The following KHDC1 variants were observed in gnomAD, a reference collection of about 807,000 sequenced individuals.
KHDC1 encodes the protein KH homology domain-containing protein 1.
A neutral mutation model predicts 24.7 loss-of-function variants in KHDC1; 21 were observed. The ratio of observed to expected loss-of-function variants is 0.85; its 90% CI spans 0.60 to 1.23. The LOEUF (loss-of-function observed/expected upper bound fraction) is 1.23. KHDC1 is among the 50% of genes most tolerant of loss of function. The probability of loss-of-function intolerance (pLI) is 0.00; values close to 1 mark genes in which losing one functional copy is unlikely to be tolerated. For missense variants in KHDC1, 274 were observed against 298.5 expected (o/e 0.92, Z 0.61); for synonymous variants, 98 against 111.7 (o/e 0.88, Z 0.77).
intron 2 of KHDC1, chr6:73,263,114 C>T: frequency 3.0e-6 from 3 of 1,006,880 alleles, no homozygotes; most frequent in Non-Finnish European, 3.5e-6. Flanking sequence ...GAGGAGACAG[C>T]GGTACCTCCT....
chr6:73,247,224 AC>A (rs1766684388), intron 2 of KHDC1, among the ~76,000 whole-genome samples: 1 of 151,824 alleles, frequency 6.6e-6, no homozygotes, highest in African/African-American at 2.4e-5. Context: ...GTGATCACCC[AC>A]CTCAGCCTCC....
chr6:73,263,141 C>A lies in KHDC1; in HGVS notation c.207-20611G>T, dbSNP rs946156478. On this transcript the variant is annotated intron_variant, in intron 2 of 4. Coordinates refer to ENST00000370384, the Ensembl canonical transcript of KHDC1. ...GTACCTCCTGGGCCGCGCACCCGAC[C>A]CTTCCAGGGGTCCCGGCTCGCGCCG... is the stretch of plus-strand genomic sequence containing the variant. 8 of 991,118 alleles carry A rather than the reference C, an allele frequency of 8.1e-6. No homozygotes were observed. The East Asian group carries it at 6.6e-4, about 82-fold the overall frequency. The allele number at this position is 991,118 out of a possible 1,614,324, so 61.4% of individuals were successfully genotyped here.
intron 2 of KHDC1, among the ~76,000 whole-genome samples, chr6:73,281,617 CAAAAAA>C (rs58163019): frequency 2.1e-4 from 20 of 93,780 alleles, no homozygotes; most frequent in African/African-American, 2.8e-4. Flanking sequence ...AACTTCGTCT[CAAAAAA>C]AAAAAAAAAA....
intron 2 of KHDC1, among the ~76,000 whole-genome samples, chr6:73,252,941 T>A (rs1437137634): frequency 6.6e-6 from 1 of 152,244 alleles, no homozygotes; most frequent in African/African-American, 2.4e-5. Flanking sequence ...GAATTTTATA[T>A]AATTTTATGT....
exon 5 of KHDC1, chr6:73,241,648 T>C (rs780425911): frequency 2.5e-6 from 4 of 1,614,008 alleles, no homozygotes; most frequent in South Asian, 1.1e-5. Flanking sequence ...AGGTCTCCAG[T>C]GTATGGTGGC....
At chr6:73,256,472 A>C (rs1039477168) in intron 2 of KHDC1, among the ~76,000 whole-genome samples, 1 of 152,216 alleles carries the variant, frequency 6.6e-6, no homozygotes, top group Non-Finnish European at 1.5e-5. Flanking sequence ...TTTAGACATA[A>C]GCCAGTCAGG....
At chr6:73,267,983 C>G (rs1767104314) in intron 2 of KHDC1, 1 of 152,594 alleles carries the variant, frequency 6.6e-6, no homozygotes, top group Non-Finnish European at 1.5e-5. Flanking sequence ...ATTACAGGCA[C>G]ACGCCACCAT....
At chr6:73,256,539 T>C (rs1428570190) in intron 2 of KHDC1, among the ~76,000 whole-genome samples, 1 of 152,218 alleles carries the variant, frequency 6.6e-6, no homozygotes, top group African/African-American at 2.4e-5. Context: ...TAGAAACTTC[T>C]AACAACTATT....
chr6:73,258,863 AC>A (rs1344621257), intron 2 of KHDC1, among the ~76,000 whole-genome samples: 1 of 152,192 alleles, frequency 6.6e-6, no homozygotes, highest in Non-Finnish European at 1.5e-5. Flanking sequence ...TCCCTAAGAC[AC>A]AGGTGAGCTG....
At chr6:73,264,068 G>A (rs1350306351) in intron 2 of KHDC1, among the ~76,000 whole-genome samples, 1 of 152,132 alleles carries the variant, frequency 6.6e-6, no homozygotes, top group Non-Finnish European at 1.5e-5. Context: ...GCATGGTGGT[G>A]CACGCCTGTA....
At chr6:73,290,688 T>C in intron 2 of KHDC1, 1 of 453,888 alleles carries the variant, frequency 2.2e-6, no homozygotes, top group South Asian at 1.7e-5. Context: ...CTGCTGCTGC[T>C]GGAGCCACAT....
intron 1 of KHDC1, among the ~76,000 whole-genome samples, chr6:73,294,192 T>C (rs1275341220): frequency 5.9e-5 from 9 of 152,152 alleles, no homozygotes; most frequent in African/African-American, 1.9e-4. Context: ...TCTCTTTCCC[T>C]GTTCTAAAAC....
intron 2 of KHDC1, among the ~76,000 whole-genome samples, chr6:73,272,825 G>A (rs909695649): frequency 5.3e-5 from 8 of 150,954 alleles, no homozygotes; most frequent in South Asian, 4.2e-4. Flanking sequence ...TTAGGGCCTG[G>A]GCTGGATAAT....
chr6:73,262,430 C>T (rs1198455217), intron 2 of KHDC1, among the ~76,000 whole-genome samples: 1 of 152,156 alleles, frequency 6.6e-6, no homozygotes, highest in Non-Finnish European at 1.5e-5. Flanking sequence ...TAAAAAGAAA[C>T]TACTGGTCCA....
intron 2 of KHDC1, chr6:73,270,553 G>T (rs1375573630): frequency 6.6e-6 from 1 of 152,018 alleles, no homozygotes; most frequent in African/African-American, 2.4e-5. Context: ...CAAGTATCAG[G>T]AATTAGAACT....
At chr6:73,296,828 CT>C (rs1182388518) in intron 1 of KHDC1, among the ~76,000 whole-genome samples, 18 of 152,128 alleles carry the variant, frequency 1.2e-4, no homozygotes, top group Non-Finnish European at 2.5e-4. Context: ...ACAGTGAAGT[CT>C]TTTTCAACCT....
intron 2 of KHDC1, among the ~76,000 whole-genome samples, chr6:73,252,559 C>T (rs1489315739): frequency 6.6e-6 from 1 of 151,984 alleles, no homozygotes; most frequent in East Asian, 1.9e-4. Flanking sequence ...TCTGTAATCC[C>T]AGCACTTTGG....
chr6:73,257,998 T>C (rs1369719811), intron 2 of KHDC1, among the ~76,000 whole-genome samples: 1 of 152,154 alleles, frequency 6.6e-6, no homozygotes. Flanking sequence ...CTCACGCCTA[T>C]AATCCCAGCA....
chr6:73,295,666 T>A (rs1015651371), intron 1 of KHDC1, among the ~76,000 whole-genome samples: 19 of 151,570 alleles, frequency 1.3e-4, no homozygotes, highest in African/African-American at 4.6e-4. Context: ...GCTAACATGG[T>A]GAAACCCCAT....
Sources: allele counts gnomAD v4.1 joint callset (sites outside exome capture counted in the v4.1 genomes callset), GRCh38; gene constraint gnomAD v4.1.1; transcripts MANE v1.5; gene names NCBI Gene and HGNC (gene_info 2026-07-23, HGNC 2026-07-21).